The following ERICH1 variants were observed in gnomAD, a reference collection of about 807,000 sequenced individuals.
ERICH1 encodes glutamate rich 1.
In ERICH1, 56 loss-of-function variants were observed where a neutral mutation model predicts 39.6. The observed-to-expected ratio is 1.41, with a 90% CI of 1.14 to 1.77. The LOEUF (loss-of-function observed/expected upper bound fraction) is 1.77, where lower values mean the gene tolerates loss of function less well. Ranked by LOEUF, ERICH1 falls within the 40% of genes most tolerant of loss-of-function variation. The pLI is 0.00. For missense variants in ERICH1, 826 were observed against 575.4 expected (o/e 1.44, Z -4.45); for synonymous variants, 313 against 223.6 (o/e 1.40, Z -3.57).
chr8:617,445 C>T (rs1182519810), intron 3 of ERICH1, among the ~76,000 whole-genome samples: 1 of 152,200 alleles, frequency 6.6e-6, no homozygotes, highest in Non-Finnish European at 1.5e-5. Flanking sequence ...CCTCATCTGA[C>T]CCCACTGGGG....
intron 3 of ERICH1, among the ~76,000 whole-genome samples, chr8:688,468 C>T (rs1444884000): frequency 6.6e-6 from 1 of 151,826 alleles, no homozygotes; most frequent in Non-Finnish European, 1.5e-5. Context: ...CACAAAGGAG[C>T]CTCCCCAGCT....
intron 5 of ERICH1, 31 bp downstream of exon 5, chr8:668,567 C>T (rs774925861): frequency 7.4e-6 from 12 of 1,613,226 alleles, no homozygotes; most frequent in Non-Finnish European, 8.5e-6. Context: ...GTATCTTAAG[C>T]AGGACCTTGA....
At chr8:685,220 T>C (rs769500096) in intron 3 of ERICH1, among the ~76,000 whole-genome samples, 4 of 152,152 alleles carry the variant, frequency 2.6e-5, no homozygotes, top group Non-Finnish European at 5.9e-5. Context: ...TATTCCTTAC[T>C]GGGGAAATAA....
At chr8:678,700 C>G (rs1056878002) in intron 3 of ERICH1, among the ~76,000 whole-genome samples, 3 of 152,130 alleles carry the variant, frequency 2.0e-5, no homozygotes, top group Admixed American at 1.3e-4. Flanking sequence ...CCCAGCTACT[C>G]CGGAGGCTGA....
In ERICH1 at chr8:637,528, G is replaced by A. The variant is rs113233152; in HGVS notation, c.977-22244C>T. 3.3e-5 allele frequency: 5 copies of A among 152,446 alleles called. No individual in the cohort carries two copies. The East Asian group carries it at 5.8e-4, about 18-fold the overall frequency. 9.4% of individuals were successfully genotyped at this position (152,446 alleles called of 1,614,324 possible). On this transcript the variant is annotated intron_variant, in intron 3 of 3. Coordinates refer to the ERICH1 transcript ENST00000522706. ...AGAGCCCCACATGCCTGTTGTGGCTGTTTCTCCCGTGGAGTCGTCCAGGGC... is the reference window on the plus strand; with the variant it reads ...AGAGCCCCACATGCCTGTTGTGGCTATTTCTCCCGTGGAGTCGTCCAGGGC...
At chr8:642,538 G>A (rs895733513) in intron 3 of ERICH1, among the ~76,000 whole-genome samples, 8 of 151,756 alleles carry the variant, frequency 5.3e-5, no homozygotes, top group Admixed American at 6.6e-5. Flanking sequence ...TAGAGACGGG[G>A]TTTCACTGTG....
At position 636,243 on chromosome 8, in the gene ERICH1, G is replaced by T. The variant is rs145126144; in HGVS notation, c.977-20959C>A. On this transcript the variant is annotated intron_variant, in intron 3 of 3. Coordinates refer to the ERICH1 transcript ENST00000522706. ...TCCATGGCCCTGAGCCGAGCTGGGC[G>T]TTCACAGCCTCCCTGAAGCTCAGCT... Among the ~76,000 whole-genome samples, 662 of 152,336 alleles carry T rather than the reference G, an allele frequency of 4.3e-3. 5 individuals carry two copies. The highest frequency in any genetic ancestry group is 0.015 in the African/African-American group (619 of 41,582).
At chr8:688,275 GT>G (rs1807997914) in intron 3 of ERICH1, among the ~76,000 whole-genome samples, 1 of 32,206 alleles carries the variant, frequency 3.1e-5, no homozygotes, top group Non-Finnish European at 6.2e-5. Flanking sequence ...AGTTCCGCCC[GT>G]CCCCGCCCCG....
chr8:616,386 G>T, intron 3 of ERICH1: 1 of 363,154 alleles, frequency 2.8e-6, no homozygotes, highest in African/African-American at 2.1e-5. Context: ...GCCGTCCAGA[G>T]AGAAACTCCT....
At chr8:668,826 T>C (rs748083763) in intron 4 of ERICH1, 34 bp from the exon 5 acceptor site, 1 of 1,543,958 alleles carries the variant, frequency 6.5e-7, no homozygotes, top group South Asian at 1.2e-5. Context: ...GAAATACAGT[T>C]TTGTTTTTAT....
rs1192391276 is a variant in ERICH1, at chr8:647,916, G to C, written c.976+20682C>G. Among the ~76,000 whole-genome samples, 13 of 67,636 alleles carry C rather than the reference G, an allele frequency of 1.9e-4. 4 individuals carry two copies. The highest frequency in any genetic ancestry group is 5.0e-4 in the African/African-American group (13 of 26,000). 44.4% of individuals were successfully genotyped at this position (67,636 alleles called of 152,430 possible). The stretch of plus-strand genomic sequence containing the variant: ...TCTCTCCCCAAGGCTGAAGTTACAT[G>C]GCTGTGTGCGCCTGCAAGTTAAAAC... On this transcript the variant is annotated intron_variant, in intron 3 of 3. Transcript: ENST00000522706.
downstream of ERICH1, among the ~76,000 whole-genome samples, chr8:661,363 C>T (rs866864176): frequency 5.9e-5 from 9 of 152,110 alleles, no homozygotes; most frequent in East Asian, 3.9e-4. Context: ...AATTAGAGAC[C>T]GGCTTGTGCA....
At chr8:658,052 G>A (rs929387380) in intron 3 of ERICH1, among the ~76,000 whole-genome samples, 1 of 152,214 alleles carries the variant, frequency 6.6e-6, no homozygotes, top group Admixed American at 6.5e-5. Context: ...AGAGAGGCTG[G>A]CACGGCCCCT....
chr8:657,018 G>A (rs1344503426), intron 3 of ERICH1, among the ~76,000 whole-genome samples: 1 of 152,264 alleles, frequency 6.6e-6, no homozygotes, highest in Non-Finnish European at 1.5e-5. Flanking sequence ...GATTGGGGAA[G>A]AGGGGAGTAA....
chr8:699,092 G>A (rs1007552643), intron 2 of ERICH1, among the ~76,000 whole-genome samples: 2 of 151,882 alleles, frequency 1.3e-5, no homozygotes, highest in East Asian at 1.9e-4. Flanking sequence ...TACGGCCTGC[G>A]CAACACAGGG....
chr8:622,842 C>T (rs1237717538), intron 3 of ERICH1, among the ~76,000 whole-genome samples: 1 of 151,934 alleles, frequency 6.6e-6, no homozygotes, highest in Non-Finnish European at 1.5e-5. Context: ...CCTGTGGTCC[C>T]AGCAGCTCAG....
At chr8:669,014 T>C (rs1298614402) in intron 4 of ERICH1, 1 of 558,240 alleles carries the variant, frequency 1.8e-6, no homozygotes. Flanking sequence ...CACCTCTGTC[T>C]GGTGAGACGC....
At chr8:686,823 C>A (rs755623021) in intron 3 of ERICH1, 1 of 152,244 alleles carries the variant, frequency 6.6e-6, no homozygotes, top group Non-Finnish European at 1.5e-5. Context: ...TAGGACCAGG[C>A]GAGCTTGGAC....
At chr8:620,452 G>A (rs1041505485) in intron 3 of ERICH1, among the ~76,000 whole-genome samples, 1 of 152,178 alleles carries the variant, frequency 6.6e-6, no homozygotes, top group Non-Finnish European at 1.5e-5. Flanking sequence ...TGAATAAAGG[G>A]AAACCAGAAA....
Sources: gnomAD v4.1 joint callset for allele counts (sites outside exome capture counted in the v4.1 genomes callset) on GRCh38, gnomAD v4.1.1 for gene constraint, MANE v1.5 for transcripts, NCBI Gene and HGNC (gene_info 2026-07-23, HGNC 2026-07-21) for gene names.